Variants in CLEC10A observed in about 807,000 individuals in gnomAD.
CLEC10A encodes the protein C-type lectin domain family 10 member A.
A neutral mutation model predicts 42.0 loss-of-function variants in CLEC10A; 38 were observed. The ratio of observed to expected loss-of-function variants is 0.90; its 90% confidence interval spans 0.70 to 1.18. The LOEUF (loss-of-function observed/expected upper bound fraction) is 1.18. Ranked by LOEUF, CLEC10A falls within the 50% of genes most tolerant of loss-of-function variation. The pLI is 0.00. For missense variants in CLEC10A, 298 were observed against 345.9 expected (o/e 0.86, Z 1.10); for synonymous variants, 126 against 139.9 (o/e 0.90, Z 0.70).
At chr17:7,079,625 A>C (rs1912060531) in intron 1 of CLEC10A, among the ~76,000 whole-genome samples, 1 of 152,172 alleles carries the variant, frequency 6.6e-6, no homozygotes, top group Non-Finnish European at 1.5e-5. Context: ...TATTGGGATT[A>C]GGGCATGGCT....
intron 2 of CLEC10A, 154 bp downstream of exon 2, chr17:7,078,592 C>T (rs1911994676): frequency 1.4e-6 from 1 of 711,866 alleles, no homozygotes; most frequent in Non-Finnish European, 2.5e-6. Context: ...AGAGACCTTG[C>T]ATCCTCTTCA....
chr17:7,076,856 G>A (rs1911787203), intron 4 of CLEC10A, 36 bp downstream of exon 4: 1 of 1,613,414 alleles, frequency 6.2e-7, no homozygotes, highest in Admixed American at 1.7e-5. Context: ...TCCCTGGCCT[G>A]GCCCCAGCCC....
chr17:7,077,836 C>T (rs1253934987), intron 3 of CLEC10A, among the ~76,000 whole-genome samples, 161 bp downstream of exon 3: 2 of 131,530 alleles, frequency 1.5e-5, no homozygotes, highest in East Asian at 2.2e-4. Context: ...CTGCCCTCAC[C>T]ATGCCCCATT....
Position 7,075,092 on chromosome 17 carries a change from C to T in CLEC10A, c.832G>A (p.Glu278Lys), listed in dbSNP as rs371228002. 229 of 1,598,834 alleles carry T rather than the reference C, an allele frequency of 1.4e-4. No homozygotes were observed. Among genetic ancestry groups the T allele is most frequent in the Non-Finnish European group, 1.9e-4 (226 of 1,175,956 alleles). Residue 278 changes from glutamate to lysine, a missense_variant, in exon 9 of 9, where the codon GAG (glutamate) becomes AAG (lysine). By Grantham distance (56) the Glu-to-Lys change is moderately conservative (BLOSUM62 1). This residue lies in a region of CLEC10A where 267 missense variants were observed against 289.5 expected (regional missense o/e 0.92). Coordinates refer to ENST00000416562, the MANE Select transcript of CLEC10A (RefSeq NM_001330070.2). Reference protein sequence around the residue: ...VCQRPYHWVCEAGLGQTSQES... With the variant: ...VCQRPYHWVCKAGLGQTSQES... ...TGGCTGGTCTGACCCAGGCCAGCCT[C>T]GCAGACCCAGTGGTAGGGCCTCTGG...
In CLEC10A at chr17:7,075,003, GTCC is replaced by G; in HGVS notation, c.*48_*50del. The G allele has an allele frequency of 6.8e-7, 1 of 1,468,172 alleles. No homozygotes were observed. Among genetic ancestry groups the G allele is most frequent in the Non-Finnish European group, 9.0e-7 (1 of 1,106,350 alleles). The allele number at this position is 1,468,172 out of a possible 1,614,324, so 90.9% of individuals were successfully genotyped here. A position where few individuals can be genotyped will look rare whatever the true frequency, so the allele number is the denominator to read the frequency against. On this transcript the variant is annotated 3_prime_UTR_variant, in exon 9 of 9. Coordinates refer to ENST00000416562, the MANE Select transcript of CLEC10A (RefSeq NM_001330070.2). ...GTCTTGCGAGGAGGTCGTGAGAAGA[GTCC>G]TCCTCCCACCGCCATTTCTGTGGCC...
rs1283571532 is a variant in CLEC10A, at chr17:7,075,106, T to G, written c.818A>C (p.Tyr273Ser). The change falls in exon 9 of 9, where the codon TAC (tyrosine) becomes TCC (serine). Residue 273 changes from tyrosine (Y) to serine (S), a missense_variant. Tyr to Ser is a moderately radical substitution (Grantham distance 144). Coordinates refer to ENST00000416562, the MANE Select transcript of CLEC10A (RefSeq NM_001330070.2). ...RWNDDVCQRP[Y>S]HWVCEAGLGQ... is the part of the protein sequence containing the mutation. ...CAGGCCAGCCTCGCAGACCCAGTGGTAGGGCCTCTGGCAGACGTCGTCATT... is the reference window on the plus strand; with the variant it reads ...CAGGCCAGCCTCGCAGACCCAGTGGGAGGGCCTCTGGCAGACGTCGTCATT... 1.2e-6 allele frequency: 2 copies of G among 1,606,664 alleles called. No homozygotes were observed. Among genetic ancestry groups the G allele is most frequent in the East Asian group, 4.5e-5 (2 of 44,022 alleles).
In CLEC10A at chr17:7,076,918, G is replaced by T; in HGVS notation, c.254C>A (p.Ala85Glu). The T allele has an allele frequency of 6.2e-7, 1 of 1,613,904 alleles. No individual in the cohort carries two copies. The highest frequency in any genetic ancestry group is 2.2e-5 in the East Asian group (1 of 44,876). ...DFSNFTSNTV[A>E]EIQALTSQGS... is the part of the protein sequence containing the mutation. ...CTGGGAAGTCAGTGCCTGGATCTCC[G>T]CCACAGTGTTTGAGGTGAAGTTGCT... The change falls in exon 4 of 9, where the codon GCG (alanine) becomes GAG (glutamate). Residue 85 changes from alanine (A) to glutamate (E), a missense_variant. Physicochemically the swap from Ala to Glu is moderately radical, Grantham distance 107. This residue lies in a region of CLEC10A where 267 missense variants were observed against 289.5 expected (regional missense o/e 0.92). Transcript: ENST00000416562.
At position 7,075,647 on chromosome 17, in the gene CLEC10A, A is replaced by G. The variant is rs772518823; in HGVS notation, c.594+84T>C. 1.2e-5 allele frequency: 19 copies of G among 1,594,764 alleles called. No homozygotes were observed. The Middle Eastern group carries it at 5.0e-4, about 42-fold the overall frequency. Reference sequence around the variant, plus strand: ...GATGACAGTCATTCTGGAAGCTCCCAGATGATTCCAATGTGCGGCCAAGCT... The same window carrying G: ...GATGACAGTCATTCTGGAAGCTCCCGGATGATTCCAATGTGCGGCCAAGCT... On this transcript the variant is annotated intron_variant, in intron 7 of 8. Transcript: ENST00000416562.
In CLEC10A at chr17:7,075,697, C is replaced by A. The variant is rs545560286; in HGVS notation, c.594+34G>T. On this transcript the variant is annotated intron_variant, in intron 7 of 8. Coordinates refer to ENST00000416562, the MANE Select transcript of CLEC10A (RefSeq NM_001330070.2). ...TTAAGAACCATTTCCCTAAATGGGA[C>A]ATGTCTTAGGAACTGAGTACCAGAA... 3.7e-6 allele frequency: 6 copies of A among 1,614,068 alleles called. No homozygotes were observed. In the East Asian group the frequency reaches 1.3e-4, roughly 36 times the overall value.
At position 7,076,460 on chromosome 17, in the gene CLEC10A, A is replaced by G. The variant is rs943579124; in HGVS notation, c.352+273T>C. 5.3e-5 allele frequency among the ~76,000 whole-genome samples: 8 copies of G among 150,784 alleles called. No individual in the cohort carries two copies. The East Asian group carries it at 5.8e-4, about 11-fold the overall frequency. The stretch of plus-strand genomic sequence containing the variant: ...CTAGTAGCTGAGATTACAGGCGCCC[A>G]CCACCACACCCAGCTATTTTTTGTA... On this transcript the variant is annotated intron_variant, in intron 5 of 8. Transcript: ENST00000416562.
chr17:7,075,217 C>T lies in CLEC10A; in HGVS notation c.707G>A (p.Trp236Ter). 2 of 1,536,960 alleles carry T rather than the reference C, an allele frequency of 1.3e-6. No individual in the cohort carries two copies. Among genetic ancestry groups the T allele is most frequent in the South Asian group, 2.5e-5 (2 of 78,974 alleles). Residue 236 changes from tryptophan (W) to a stop codon, truncating the protein, a stop_gained, in exon 9 of 9, where the codon TGG becomes TAG. Transcript: ENST00000416562. LOFTEE classifies it high-confidence loss of function. ...CCAGTCGTCTGGCTGGCCTGGCTTC[C>T]AGTTCCTGAGAGGAAAAGACAACAG... ...GTDYATGFQN[W>*]KPGQPDDWQG...
chr17:7,076,741 C>A lies in CLEC10A; in HGVS notation c.344G>T (p.Arg115Leu), dbSNP rs372897858. The change falls in exon 5 of 9, where the codon CGG (arginine) becomes CTG (leucine). Residue 115 changes from arginine (R) to leucine (L), a missense_variant. Coordinates refer to ENST00000416562, the MANE Select transcript of CLEC10A (RefSeq NM_001330070.2). ...CTCGGAGGGTCTCTCACCTGCCTGCCGTTCCTGCTTGAAACCCTCCACCTC... is the reference window on the plus strand; with the variant it reads ...CTCGGAGGGTCTCTCACCTGCCTGCAGTTCCTGCTTGAAACCCTCCACCTC... ...KAEVEGFKQE[R>L]QAVHSEMLLR... is the part of the protein sequence containing the mutation. The A allele has an allele frequency of 9.3e-6, 15 of 1,613,486 alleles. No individual in the cohort carries two copies. Among genetic ancestry groups the A allele is most frequent in the East Asian group, 2.2e-5 (1 of 44,842 alleles).
intron 2 of CLEC10A, among the ~76,000 whole-genome samples, 164 bp from the exon 3 acceptor site, chr17:7,078,277 T>A (rs1911975839): frequency 6.6e-6 from 1 of 151,992 alleles, no homozygotes; most frequent in East Asian, 1.9e-4. Flanking sequence ...GCCTTTGACT[T>A]CAGGGACCAG....
In CLEC10A at chr17:7,075,478, G is replaced by A. The variant is rs370937777; in HGVS notation, c.595-12C>T. ...TTCTGGACAAAATTCTGCGGTGACA[G>A]AAGGGCAGTGGTGACTTCTTCCCAT... On this transcript the variant is annotated splice_polypyrimidine_tract_variant and intron_variant, in intron 7 of 8. Transcript: ENST00000416562. The A allele has an allele frequency of 2.0e-6, 3 of 1,530,524 alleles. No homozygotes were observed. The highest frequency in any genetic ancestry group is 2.6e-6 in the Non-Finnish European group (3 of 1,139,904). 94.8% of individuals were successfully genotyped at this position (1,530,524 alleles called of 1,614,324 possible). A position where few individuals can be genotyped will look rare whatever the true frequency, so the allele number is the denominator to read the frequency against.
chr17:7,075,964 T>C, intron 6 of CLEC10A, 21 bp downstream of exon 6: 1 of 1,613,858 alleles, frequency 6.2e-7, no homozygotes, highest in East Asian at 2.2e-5. Context: ...TAGGGCCAGG[T>C]ACTCCCCATA....
chr17:7,076,832 G>A (rs751650700), intron 4 of CLEC10A, 28 bp from the exon 5 acceptor site: 16 of 1,613,702 alleles, frequency 9.9e-6, no homozygotes, highest in Non-Finnish European at 1.3e-5. Context: ...TTGGCTTAGG[G>A]GTCAACTTCC....
Position 7,075,403 on chromosome 17 carries a change from C to T in CLEC10A, c.658G>A (p.Ala220Thr). Residue 220 changes from alanine to threonine, a missense_variant, in exon 8 of 9, where the codon GCC becomes ACC. Physicochemically the swap from Ala to Thr is moderately conservative, Grantham distance 58 (BLOSUM62 0). Around this residue, in one of 3 missense-constraint regions of CLEC10A, gnomAD observed 267 missense variants for 289.5 expected, o/e 0.92. Transcript: ENST00000416562. ...TCTGTTCCATCCACCCACTTCCAGG[C>T]TCCTTCAGGGTCACTGAGGCCCATC... ...TWMGLSDPEG[A>T]WKWVDGTDYA... The T allele has an allele frequency of 6.6e-7, 1 of 1,520,924 alleles. No individual in the cohort carries two copies. 94.2% of individuals were successfully genotyped at this position (1,520,924 alleles called of 1,614,324 possible).
Position 7,074,989 on chromosome 17 carries a change from A to C in CLEC10A, c.*65T>G, listed in dbSNP as rs1911632578. The C allele has an allele frequency of 4.4e-6, 6 of 1,355,122 alleles. No homozygotes were observed. The East Asian group carries it at 1.6e-4, about 37-fold the overall frequency. The allele number at this position is 1,355,122 out of a possible 1,614,324, so 83.9% of individuals were successfully genotyped here. ...TCTCTCCCAGAGCGGTCTTGCGAGGAGGTCGTGAGAAGAGTCCTCCTCCCA... is the reference window on the plus strand; with the variant it reads ...TCTCTCCCAGAGCGGTCTTGCGAGGCGGTCGTGAGAAGAGTCCTCCTCCCA... On this transcript the variant is annotated 3_prime_UTR_variant, in exon 9 of 9. Transcript: ENST00000416562.
At chr17:7,076,209 A>G in intron 5 of CLEC10A, 138 bp from the exon 6 acceptor site, 1 of 1,479,756 alleles carries the variant, frequency 6.8e-7, no homozygotes, top group Non-Finnish European at 9.1e-7. Context: ...CCCCTACATC[A>G]TGGCCAGGTA....
Sources: allele counts gnomAD v4.1 joint callset (sites outside exome capture counted in the v4.1 genomes callset), GRCh38; gene constraint gnomAD v4.1.1; regional missense constraint gnomAD v4.1.1; transcripts MANE v1.5; gene names NCBI Gene and HGNC (gene_info 2026-07-23, HGNC 2026-07-21).